The following DNAH17 variants were observed in gnomAD, a reference collection of about 807,000 sequenced individuals.
DNAH17 encodes axonemal beta dynein heavy chain 17.
A neutral mutation model predicts 485.6 loss-of-function variants in DNAH17; 376 were observed. The observed-to-expected ratio is 0.77, with a 90% CI of 0.71 to 0.84. The LOEUF (loss-of-function observed/expected upper bound fraction) is 0.84, where lower values mean the gene tolerates loss of function less well. Ranked by LOEUF, DNAH17 falls within the 40% of genes least tolerant of loss-of-function variation. The pLI, the probability that DNAH17 is intolerant of heterozygous loss-of-function variation, is 0.00. For synonymous variants in DNAH17, 3,031 were observed against 2,405.9 expected (o/e 1.26, Z -7.60); for missense variants, 6,370 against 5,839.3 (o/e 1.09, Z -2.96).
intron 69 of DNAH17, among the ~76,000 whole-genome samples, chr17:78,447,558 A>T (rs2087362703): frequency 6.6e-6 from 1 of 152,190 alleles, no homozygotes; most frequent in South Asian, 2.1e-4. Context: ...TCCCATAGAG[A>T]GTTTCTTCCT....
At chr17:78,558,936 T>C (rs1267147607) in intron 13 of DNAH17, among the ~76,000 whole-genome samples, 2 of 152,198 alleles carry the variant, frequency 1.3e-5, no homozygotes, top group South Asian at 2.1e-4. Flanking sequence ...CCGCTGGCAC[T>C]CTTTCCTTCT....
rs776929491 is a variant in DNAH17 at position 78,439,087 on chromosome 17, T to C, written c.11805+3A>G. 4 of 1,612,982 alleles carry C rather than the reference T, an allele frequency of 2.5e-6. No homozygotes were observed. Among genetic ancestry groups the C allele is most frequent in the Non-Finnish European group, 3.4e-6 (4 of 1,179,658 alleles). On this transcript the variant is annotated splice_donor_region_variant and intron_variant, in intron 73 of 80. Transcript: ENST00000389840. The stretch of plus-strand genomic sequence containing the variant: ...TTACCCTGCAGTGCTGGCCCCCTCG[T>C]ACCTGCAGAATGACCCAGTGTCCTT...
At chr17:78,488,345 CTG>C (rs911530862) in intron 44 of DNAH17, among the ~76,000 whole-genome samples, 16 of 152,288 alleles carry the variant, frequency 1.1e-4, no homozygotes, top group African/African-American at 3.8e-4. Flanking sequence ...TCTGGGGACC[CTG>C]TGTCTGCTTC....
chr17:78,479,122 A>G lies in DNAH17; in HGVS notation c.7901-6T>C. 6.2e-7 allele frequency: 1 copy of G among 1,613,688 alleles called. No individual in the cohort carries two copies. The highest frequency in any genetic ancestry group is 1.6e-4 in the Middle Eastern group (1 of 6,062). On this transcript the variant is annotated splice_region_variant and splice_polypyrimidine_tract_variant and intron_variant, in intron 50 of 80. Coordinates refer to ENST00000389840, the MANE Select transcript of DNAH17 (RefSeq NM_173628.4). ...CGTGATTTTCTGATGCAAAGCTGTT[A>G]GAGGAAAAGGACGTGTCAATTCTCA...
rs751953214 is a variant in DNAH17 at position 78,454,596 on chromosome 17, T to C, written c.10280A>G (p.Glu3427Gly). The change falls in exon 64 of 81, where the codon GAG (glutamate) becomes GGG (glycine). Residue 3427 changes from glutamate to glycine, a missense_variant. Coordinates refer to ENST00000389840, the MANE Select transcript of DNAH17 (RefSeq NM_173628.4). The stretch of plus-strand genomic sequence containing the variant: ...GGTGTTGCCCAGGATGGTGGCATTC[T>C]CGGTGGACATGCGGTCGCTGGGGAG... ...QGLPSDRMST[E>G]NATILGNTER... 1.8e-5 allele frequency: 29 copies of C among 1,613,022 alleles called. 2 individuals are homozygous for C. The South Asian group carries it at 3.2e-4, about 18-fold the overall frequency.
intron 1 of DNAH17, 36 bp from the exon 2 acceptor site, chr17:78,575,118 C>T: frequency 7.3e-7 from 1 of 1,370,206 alleles, no homozygotes; most frequent in African/African-American, 1.5e-5. Flanking sequence ...CGAACTGTCT[C>T]CCGGGCTCCC....
chr17:78,539,914 C>A, intron 17 of DNAH17, 34 bp from the exon 18 acceptor site: 1 of 1,532,574 alleles, frequency 6.5e-7, no homozygotes, highest in Non-Finnish European at 8.8e-7. Flanking sequence ...GGCCTCACTT[C>A]ACTGGCTGTG....
intron 74 of DNAH17, among the ~76,000 whole-genome samples, chr17:78,437,040 C>T (rs148648871): frequency 3.8e-4 from 58 of 152,286 alleles, no homozygotes; most frequent in East Asian, 9.7e-4. Context: ...CCTCACCCTC[C>T]GTCCTGGAGG....
chr17:78,466,314 G>T (rs76562359), intron 56 of DNAH17, among the ~76,000 whole-genome samples: 2 of 152,056 alleles, frequency 1.3e-5, no homozygotes, highest in Non-Finnish European at 2.9e-5. Flanking sequence ...AAGGCCTCAG[G>T]GTCCTCTGCC....
intron 50 of DNAH17, 57 bp from the exon 51 acceptor site, chr17:78,479,173 G>A: frequency 5.8e-6 from 9 of 1,552,716 alleles, no homozygotes; most frequent in African/African-American, 1.4e-5. Flanking sequence ...CCCAGGAAGT[G>A]CAAGCCTCAA....
rs768826311 is a variant in DNAH17 at position 78,530,510 on chromosome 17, G to A, written c.3117C>T (p.Ile1039=). ...CCTCATACAGCTTCTCGTAGGAGTC[G>A]ATCTGGAAAACACGGCCACCGGCGG... ...PPTLAQFQEQ[I]DSYEKLYEEV... The change falls in exon 21 of 81, where the codon ATC becomes ATT. Residue 1039 remains isoleucine, a splice_region_variant and synonymous_variant. Transcript: ENST00000389840. The A allele has an allele frequency of 4.4e-6, 7 of 1,601,706 alleles. No homozygotes were observed. The highest frequency in any genetic ancestry group is 1.1e-5 in the South Asian group (1 of 90,474).
chr17:78,454,571 G>C lies in DNAH17; in HGVS notation c.10305C>G (p.Thr3435=). ...STENATILGN[T]ERWPLIVDAQ... ...CGTCCACGATCAGCGGCCACCGCTC[G>C]GTGTTGCCCAGGATGGTGGCATTCT... Residue 3435 remains threonine, a synonymous_variant, in exon 64 of 81, where the codon ACC becomes ACG. Transcript: ENST00000389840. 1 of 1,613,082 alleles carries C rather than the reference G, an allele frequency of 6.2e-7. No homozygotes were observed.
chr17:78,523,372 C>T (rs2090982383), intron 25 of DNAH17, among the ~76,000 whole-genome samples: 2 of 152,222 alleles, frequency 1.3e-5, no homozygotes, highest in African/African-American at 4.8e-5. Context: ...GATCCACCTG[C>T]CTTGGCCTCC....
chr17:78,568,742 G>T (rs764274093), intron 9 of DNAH17, among the ~76,000 whole-genome samples: 1 of 152,156 alleles, frequency 6.6e-6, no homozygotes, highest in Non-Finnish European at 1.5e-5. Flanking sequence ...TGAGCCACTG[G>T]GCTGGGCCAT....
chr17:78,500,005 C>T (rs569636495), intron 36 of DNAH17: 18 of 337,040 alleles, frequency 5.3e-5, no homozygotes, highest in African/African-American at 8.7e-5. Flanking sequence ...GGTGCTCACC[C>T]CTGTGCGGAG....
At chr17:78,543,722 G>A (rs1158498530) in intron 17 of DNAH17, 135 bp downstream of exon 17, 6 of 1,352,264 alleles carry the variant, frequency 4.4e-6, no homozygotes, top group South Asian at 2.4e-5. Context: ...ACTGCATCCA[G>A]CCAGGTCACA....
chr17:78,533,500 G>C (rs1568210202), intron 19 of DNAH17, among the ~76,000 whole-genome samples: 1 of 152,146 alleles, frequency 6.6e-6, no homozygotes, highest in Non-Finnish European at 1.5e-5. Flanking sequence ...ACTGTCGGTG[G>C]CTAGAGCAGA....
intron 26 of DNAH17, among the ~76,000 whole-genome samples, chr17:78,512,443 G>A (rs1258212046): frequency 6.6e-6 from 1 of 152,160 alleles, no homozygotes; most frequent in Non-Finnish European, 1.5e-5. Flanking sequence ...AATATCTCCT[G>A]CACTTGGCAT....
chr17:78,468,226 A>C (rs937010336), intron 55 of DNAH17, among the ~76,000 whole-genome samples: 1 of 152,186 alleles, frequency 6.6e-6, no homozygotes, highest in African/African-American at 2.4e-5. Context: ...ATAGCATTCT[A>C]CATTATATTA....
Sources: gnomAD v4.1 joint callset for allele counts (sites outside exome capture counted in the v4.1 genomes callset) on GRCh38, gnomAD v4.1.1 for gene constraint, MANE v1.5 for transcripts, NCBI Gene and HGNC (gene_info 2026-07-23, HGNC 2026-07-21) for gene names.